The following BTK variants were observed in gnomAD, a reference collection of about 807,000 sequenced individuals.
BTK encodes the protein tyrosine-protein kinase BTK.
A neutral mutation model predicts 57.4 loss-of-function variants in BTK; 5 were observed. The observed-to-expected ratio is 0.09, with a 90% confidence interval of 0.05 to 0.18. BTK has a LOEUF of 0.18. Ranked by LOEUF, BTK falls within the 10% of genes least tolerant of loss-of-function variation. The probability of loss-of-function intolerance (pLI) is 1.00; values close to 1 mark genes in which losing one functional copy is unlikely to be tolerated. For missense variants in BTK, 194 were observed against 501.2 expected (o/e 0.39, Z 5.85); for synonymous variants, 154 against 174.3 (o/e 0.88, Z 0.92).
intron 1 of BTK, among the ~76,000 whole-genome samples, chrX:101,385,380 A>G (rs1311889640): frequency 1.8e-5 from 2 of 112,357 alleles, no homozygotes; most frequent in Non-Finnish European, 3.8e-5. Context: ...AACCTTTGCC[A>G]CAACCTCAAG....
intron 4 of BTK, 58 bp from the exon 5 acceptor site, chrX:101,370,137 C>G (rs1242017266): frequency 2.2e-6 from 2 of 895,997 alleles, no homozygotes; most frequent in Non-Finnish European, 3.3e-6. Flanking sequence ...GGAGAAAGAC[C>G]TTGAAAGTAC....
At chrX:101,375,975 G>C in intron 1 of BTK, among the ~76,000 whole-genome samples, 1 of 75,115 alleles carries the variant, frequency 1.3e-5, no homozygotes, top group East Asian at 3.7e-4. Flanking sequence ...GGTGGGTTTT[G>C]GTGGGGGGGG....
At position 101,378,528 on chromosome X, in the gene BTK, G is replaced by GACAC. The variant is rs72139259; in HGVS notation, c.-30-3218_-30-3215dup. Among the ~76,000 whole-genome samples the GACAC allele has an allele frequency of 4.7e-3, 444 of 95,376 alleles. 3 individuals are homozygous for GACAC. The highest frequency in any genetic ancestry group is 0.013 in the African/African-American group (329 of 25,934). 82.8% of individuals were successfully genotyped at this position (95,376 alleles called of 115,157 possible). A position where few individuals can be genotyped will look rare whatever the true frequency, so the allele number is the denominator to read the frequency against. Reference sequence around the variant, plus strand: ...GTGACTTGAATGTCTCAAACATACAGACACACACACACACACACACACACA... The same window carrying GACAC: ...GTGACTTGAATGTCTCAAACATACAGACACACACACACACACACACACACACACA... On this transcript the variant is annotated intron_variant, in intron 1 of 18. Coordinates refer to ENST00000308731, the MANE Select transcript of BTK (RefSeq NM_000061.3).
At position 101,375,132 on chromosome X, in the gene BTK, C is replaced by T. The variant is rs1555980863; in HGVS notation, c.141+12G>A. ...TATCTTGAAACTCAGTTTTCATAGT[C>T]GAGAAACTTACCCCACGTTCAAAGT... On this transcript the variant is annotated intron_variant, in intron 2 of 18. Transcript: ENST00000308731. 5.8e-6 allele frequency: 7 copies of T among 1,209,428 alleles called. No individual in the cohort carries two copies. Among genetic ancestry groups the T allele is most frequent in the Middle Eastern group, 2.3e-4 (1 of 4,373 alleles).
In BTK at chrX:101,349,495, C is replaced by T. The variant is rs782012349; in HGVS notation, c.*390G>A. The T allele has an allele frequency of 1.1e-4, 22 of 194,343 alleles. No homozygotes were observed. Among genetic ancestry groups the T allele is most frequent in the Non-Finnish European group, 2.0e-4 (21 of 104,873 alleles). The allele number at this position is 194,343 out of a possible 1,213,427, so 16.0% of individuals were successfully genotyped here. ...TTATTTTATCAAAACACCCTCCCCT[C>T]CCATCTTTATGACACCATTTCATTC... On this transcript the variant is annotated 3_prime_UTR_variant, in exon 19 of 19. Transcript: ENST00000308731.
intron 15 of BTK, chrX:101,355,607 G>T: frequency 1.6e-5 from 2 of 122,760 alleles, no homozygotes; most frequent in East Asian, 2.3e-4. Context: ...TAAGCGAAAT[G>T]TTTCTTTTTA....
At chrX:101,378,354 A>G (rs782746119) in intron 1 of BTK, among the ~76,000 whole-genome samples, 1 of 111,088 alleles carries the variant, frequency 9.0e-6, no homozygotes, top group African/African-American at 3.3e-5. Context: ...AAAGTGCTGG[A>G]ATTACAGGTA....
intron 18 of BTK, among the ~76,000 whole-genome samples, chrX:101,350,725 G>T (rs1555976905): frequency 9.0e-6 from 1 of 111,384 alleles, no homozygotes; most frequent in Non-Finnish European, 1.9e-5. Flanking sequence ...GGGATTACAG[G>T]CGTGAGCCAC....
intron 1 of BTK, among the ~76,000 whole-genome samples, chrX:101,379,034 C>T (rs1236165164): frequency 1.8e-5 from 2 of 108,578 alleles, no homozygotes; most frequent in Admixed American, 1.0e-4. Flanking sequence ...ATTAGCCGGG[C>T]GTGGTGACAG....
intron 1 of BTK, among the ~76,000 whole-genome samples, chrX:101,383,862 C>T (rs1288538121): frequency 1.8e-5 from 2 of 111,839 alleles, no homozygotes; most frequent in Non-Finnish European, 3.8e-5. Context: ...GAAAGTCACA[C>T]GTGGCCCAAT....
chrX:101,371,410 T>C (rs1438066996), intron 4 of BTK, among the ~76,000 whole-genome samples: 1 of 112,348 alleles, frequency 8.9e-6, no homozygotes, highest in South Asian at 3.6e-4. Context: ...CTGCTATGTA[T>C]TCTTTTTGAG....
At chrX:101,367,287 G>A (rs1926884894) in intron 5 of BTK, among the ~76,000 whole-genome samples, 1 of 108,523 alleles carries the variant, frequency 9.2e-6, no homozygotes, top group South Asian at 4.0e-4. Context: ...AAGCTCACAA[G>A]CTGGATATCC....
chrX:101,375,356 C>T lies in BTK; in HGVS notation c.-30-42G>A, dbSNP rs112806853. On this transcript the variant is annotated intron_variant, in intron 1 of 18. Transcript: ENST00000308731. ...TTCCTGAGGACCCAGGACATTAATCCTCATCCCTCTTGGTTCCCCCTCAGC... is the reference window on the plus strand; with the variant it reads ...TTCCTGAGGACCCAGGACATTAATCTTCATCCCTCTTGGTTCCCCCTCAGC... 6.2e-4 allele frequency: 719 copies of T among 1,157,694 alleles called. 4 individuals are homozygous for T. The African/African-American group carries it at 9.2e-3, about 15-fold the overall frequency.
chrX:101,356,544 C>T (rs1245788174), intron 14 of BTK: 5 of 450,274 alleles, frequency 1.1e-5, no homozygotes, highest in Non-Finnish European at 1.5e-5. Context: ...TAATTTTCTA[C>T]ATCTACCCCC....
At chrX:101,381,987 G>C (rs781856615) in intron 1 of BTK, among the ~76,000 whole-genome samples, 1 of 104,344 alleles carries the variant, frequency 9.6e-6, no homozygotes, top group East Asian at 3.0e-4. Context: ...AGCCGAGATC[G>C]TGCCACTGCA....
At chrX:101,359,073 G>A (rs1926578895) in intron 10 of BTK, among the ~76,000 whole-genome samples, 2 of 111,967 alleles carry the variant, frequency 1.8e-5, no homozygotes, top group South Asian at 7.4e-4. Flanking sequence ...AGAAGGCGGA[G>A]GTTGCAGTGA....
intron 18 of BTK, 65 bp from the exon 19 acceptor site, chrX:101,350,021 G>C (rs1022550116): frequency 2.4e-6 from 2 of 817,684 alleles, no homozygotes; most frequent in Non-Finnish European, 3.7e-6. Context: ...GAAATGCAAT[G>C]AGTAAGCAGC....
intron 5 of BTK, among the ~76,000 whole-genome samples, chrX:101,363,485 C>T (rs942133244): frequency 9.0e-6 from 1 of 110,861 alleles, no homozygotes; most frequent in African/African-American, 3.3e-5. Context: ...CTTTGGGAGG[C>T]CGAGGTGGGT....
chrX:101,353,125 C>A, intron 18 of BTK, 69 bp downstream of exon 18: 1 of 1,035,451 alleles, frequency 9.7e-7, no homozygotes, highest in East Asian at 3.1e-5. Context: ...TCTTTGGTGG[C>A]TGAATGGCCA....
Sources: gnomAD v4.1 joint callset for allele counts (sites outside exome capture counted in the v4.1 genomes callset) on GRCh38, gnomAD v4.1.1 for gene constraint, MANE v1.5 for transcripts, NCBI Gene and HGNC (gene_info 2026-07-23, HGNC 2026-07-21) for gene names.